Variants in CTNNA3 observed in about 807,000 individuals in gnomAD.
CTNNA3 encodes catenin alpha 3, also known as catenin alpha-3.
In CTNNA3, 76 loss-of-function variants were observed where a neutral mutation model predicts 95.7. That is an observed-to-expected ratio of 0.79 (90% CI 0.66 to 0.96). The LOEUF (loss-of-function observed/expected upper bound fraction) is 0.96. Ranked by LOEUF, CTNNA3 falls within the 40% of genes least tolerant of loss-of-function variation. CTNNA3 has a pLI of 0.00. For synonymous variants in CTNNA3, 431 were observed against 374.4 expected (o/e 1.15, Z -1.74); for missense variants, 1,191 against 1,089.8 (o/e 1.09, Z -1.31).
intron 5 of CTNNA3, among the ~76,000 whole-genome samples, chr10:67,286,779 T>C (rs1301875131): frequency 2.0e-5 from 3 of 152,206 alleles, no homozygotes; most frequent in Non-Finnish European, 4.4e-5. Context: ...ACTCCTGACT[T>C]AAAATTCTAC....
intron 9 of CTNNA3, among the ~76,000 whole-genome samples, chr10:66,663,930 C>T (rs988465663): frequency 1.3e-5 from 2 of 152,020 alleles, no homozygotes; most frequent in African/African-American, 2.4e-5. Context: ...TGGACAAAGA[C>T]TGCTATTACT....
intron 17 of CTNNA3, among the ~76,000 whole-genome samples, chr10:65,927,920 T>C (rs918389707): frequency 2.6e-5 from 4 of 152,180 alleles, no homozygotes; most frequent in African/African-American, 9.6e-5. Flanking sequence ...CAGCAATGTA[T>C]GAGCATTATA....
intron 5 of CTNNA3, among the ~76,000 whole-genome samples, chr10:67,231,503 T>C (rs1865208404): frequency 6.6e-6 from 1 of 152,148 alleles, no homozygotes; most frequent in East Asian, 1.9e-4. Flanking sequence ...AGAAAGGACA[T>C]CCACACCAAA....
intron 7 of CTNNA3, among the ~76,000 whole-genome samples, chr10:66,790,960 T>C (rs1376692448): frequency 6.6e-6 from 1 of 152,140 alleles, no homozygotes; most frequent in Non-Finnish European, 1.5e-5. Context: ...CACTTTTACC[T>C]TTACCATCGC....
intron 10 of CTNNA3, among the ~76,000 whole-genome samples, chr10:66,533,072 C>G (rs1841527366): frequency 6.6e-6 from 1 of 152,140 alleles, no homozygotes; most frequent in South Asian, 2.1e-4. Context: ...TTCCAAATTA[C>G]TAATTTCACA....
chr10:66,512,740 T>G (rs1416184135), intron 11 of CTNNA3, among the ~76,000 whole-genome samples: 1 of 152,150 alleles, frequency 6.6e-6, no homozygotes, highest in African/African-American at 2.4e-5. Flanking sequence ...ATTTTATGTC[T>G]CCTTCATTTC....
intron 11 of CTNNA3, among the ~76,000 whole-genome samples, chr10:66,519,068 A>G (rs1006657044): frequency 6.6e-6 from 1 of 152,120 alleles, no homozygotes; most frequent in African/African-American, 2.4e-5. Flanking sequence ...GCATTTTATA[A>G]GAAAGAATAT....
chr10:66,490,583 A>T (rs1287714745), intron 11 of CTNNA3, among the ~76,000 whole-genome samples: 1 of 152,212 alleles, frequency 6.6e-6, no homozygotes, highest in Non-Finnish European at 1.5e-5. Flanking sequence ...GAGATAATTT[A>T]TTAGTGAGGC....
intron 7 of CTNNA3, among the ~76,000 whole-genome samples, chr10:66,990,401 G>A (rs77533987): frequency 0.018 from 2,710 of 152,246 alleles, 25 homozygotes; most frequent in African/African-American, 0.025. Context: ...AAGATGCACA[G>A]AGGTTCAACC....
chr10:66,294,143 T>C (rs987042907), intron 12 of CTNNA3, among the ~76,000 whole-genome samples: 4 of 152,348 alleles, frequency 2.6e-5, no homozygotes, highest in Non-Finnish European at 5.9e-5. Flanking sequence ...CTAATCATCA[T>C]GTTTTAAATG....
At chr10:67,741,973 T>A (rs1841342455) in intron 1 of CTNNA3, among the ~76,000 whole-genome samples, 1 of 150,968 alleles carries the variant, frequency 6.6e-6, no homozygotes, top group Non-Finnish European at 1.5e-5. Context: ...AAATATTGGG[T>A]GCACCCAATA....
intron 11 of CTNNA3, among the ~76,000 whole-genome samples, chr10:66,458,152 A>G (rs1429423906): frequency 6.6e-6 from 1 of 152,204 alleles, no homozygotes; most frequent in East Asian, 1.9e-4. Context: ...TGATCACACA[A>G]AACAATTGTA....
At chr10:66,235,219 A>G (rs1421579044) in intron 13 of CTNNA3, among the ~76,000 whole-genome samples, 1 of 152,218 alleles carries the variant, frequency 6.6e-6, no homozygotes, top group Non-Finnish European at 1.5e-5. Flanking sequence ...TAAATTTGGT[A>G]GTAATGTTAC....
At chr10:67,166,635 T>C (rs1861780267) in intron 7 of CTNNA3, among the ~76,000 whole-genome samples, 1 of 152,214 alleles carries the variant, frequency 6.6e-6, no homozygotes, top group South Asian at 2.1e-4. Context: ...CCATTATGGC[T>C]AAGGAGACAG....
At chr10:66,720,010 G>A (rs10997358) in intron 9 of CTNNA3, among the ~76,000 whole-genome samples, 3,664 of 152,196 alleles carry the variant, frequency 0.024, 185 homozygotes, top group East Asian at 0.22. Context: ...TGGTTAAGCA[G>A]TTCCTAACTT....
chr10:67,393,996 T>C (rs1037176876), intron 5 of CTNNA3, among the ~76,000 whole-genome samples: 2 of 152,066 alleles, frequency 1.3e-5, no homozygotes, highest in Admixed American at 6.6e-5. Context: ...TTAAACAAAC[T>C]GAAGTTCTTG....
intron 5 of CTNNA3, among the ~76,000 whole-genome samples, chr10:67,230,814 C>A (rs533253669): frequency 6.6e-6 from 1 of 152,176 alleles, no homozygotes; most frequent in Non-Finnish European, 1.5e-5. Context: ...TCAGTGTGTG[C>A]ACACACCGTG....
At chr10:67,489,788 T>TTATATATATATATA (rs372899542) in intron 5 of CTNNA3, among the ~76,000 whole-genome samples, 3 of 142,464 alleles carry the variant, frequency 2.1e-5, no homozygotes, top group African/African-American at 8.3e-5. Context: ...ATACATGATT[T>TTATATATATATATA]TATATATATA....
chr10:67,298,884 A>T (rs1444327688), intron 5 of CTNNA3, among the ~76,000 whole-genome samples: 1 of 152,142 alleles, frequency 6.6e-6, no homozygotes, highest in East Asian at 1.9e-4. Flanking sequence ...AAACAGTCAA[A>T]TTAAACAAAT....
Sources: allele counts gnomAD v4.1 joint callset (sites outside exome capture counted in the v4.1 genomes callset), GRCh38; gene constraint gnomAD v4.1.1; transcripts MANE v1.5; gene names NCBI Gene and HGNC (gene_info 2026-07-23, HGNC 2026-07-21).